The following ADGRG2 variants were observed in gnomAD, a reference collection of about 807,000 sequenced individuals.
ADGRG2 encodes G protein-coupled receptor 64.
Under a neutral mutation model 74.1 loss-of-function variants are expected in ADGRG2, and 26 were observed. The observed-to-expected ratio is 0.35, with a 90% confidence interval of 0.26 to 0.49. The LOEUF is 0.49. Among genes scored for constraint, ADGRG2 ranks in the 20% least tolerant of loss-of-function variants. ADGRG2 has a pLI of 0.99. For synonymous variants in ADGRG2, 296 were observed against 295.2 expected, an observed-to-expected ratio of 1.00 and a Z score of -0.03; for missense variants, 619 against 763.1, an observed-to-expected ratio of 0.81 and a Z score of 2.22.
intron 3 of ADGRG2, among the ~76,000 whole-genome samples, chrX:19,056,375 G>A (rs1183107043): frequency 8.9e-6 from 1 of 111,778 alleles, no homozygotes; most frequent in Non-Finnish European, 1.9e-5. Context: ...ACCCGAGGAG[G>A]AGAAGTCCTT....
Position 19,037,637 on chromosome X carries a change from C to G in ADGRG2, c.155-1G>C. The G allele has an allele frequency of 1.8e-6, 2 of 1,105,821 alleles. No individual in the cohort carries two copies. Among genetic ancestry groups the G allele is most frequent in the Non-Finnish European group, 2.4e-6 (2 of 825,561 alleles). The allele number at this position is 1,105,821 out of a possible 1,213,427, so 91.1% of individuals were successfully genotyped here. On this transcript the variant is annotated splice_acceptor_variant, in intron 4 of 28. Coordinates refer to ENST00000379869, the MANE Select transcript of ADGRG2 (RefSeq NM_001079858.3). LOFTEE classifies it high-confidence loss of function. ...GCAAAACTGACAACAGATAATTTAG[C>G]TGCAGGAGAAAAAAAAATTAAATCA... is the stretch of plus-strand genomic sequence containing the variant.
At chrX:19,052,944 C>T (rs1238952266) in intron 3 of ADGRG2, among the ~76,000 whole-genome samples, 1 of 111,684 alleles carries the variant, frequency 9.0e-6, no homozygotes, top group East Asian at 2.8e-4. Flanking sequence ...ATCCGCTTGC[C>T]TCGGCCTCCC....
At chrX:19,048,884 C>T (rs954745867) in intron 3 of ADGRG2, among the ~76,000 whole-genome samples, 11 of 112,305 alleles carry the variant, frequency 9.8e-5, no homozygotes, top group African/African-American at 3.2e-4. Flanking sequence ...TGCTGCTTAG[C>T]GCTTTGGGAG....
At chrX:19,108,943 T>A (rs2062364306) in intron 1 of ADGRG2, among the ~76,000 whole-genome samples, 1 of 111,172 alleles carries the variant, frequency 9.0e-6, no homozygotes, top group Non-Finnish European at 1.9e-5. Context: ...CTTTTATGGA[T>A]AAGTCAAAGA....
chrX:19,082,427 G>A (rs73193504), intron 2 of ADGRG2, among the ~76,000 whole-genome samples: 1,855 of 111,407 alleles, frequency 0.017, 23 homozygotes, highest in Non-Finnish European at 0.026. Context: ...CTTCAAAATC[G>A]GTACCCATTT....
intron 1 of ADGRG2, among the ~76,000 whole-genome samples, chrX:19,095,933 T>C (rs1602107226): frequency 9.0e-6 from 1 of 111,420 alleles, no homozygotes; most frequent in East Asian, 2.8e-4. Context: ...ATGGGAGGAT[T>C]GCTTGAGTCC....
intron 1 of ADGRG2, among the ~76,000 whole-genome samples, chrX:19,103,071 CA>C (rs1370455106): frequency 9.0e-6 from 1 of 110,643 alleles, no homozygotes; most frequent in African/African-American, 3.3e-5. Flanking sequence ...CATTCTTAGT[CA>C]CAGGATGAGA....
chrX:19,063,535 A>C lies in ADGRG2; in HGVS notation c.118+5182T>G, dbSNP rs147663531. 6.4e-3 allele frequency among the ~76,000 whole-genome samples: 717 copies of C among 112,175 alleles called. 12 individuals are homozygous for C. The highest frequency in any genetic ancestry group is 0.022 in the African/African-American group (689 of 30,863). The stretch of plus-strand genomic sequence containing the variant: ...GAGATGAAAACTACCCACCGGAAAG[A>C]GGTTTTGTAAGGATTAAATGAGATA... On this transcript the variant is annotated intron_variant, in intron 3 of 28. Transcript: ENST00000379869.
intron 4 of ADGRG2, among the ~76,000 whole-genome samples, chrX:19,038,109 A>G (rs1742712082): frequency 3.6e-5 from 4 of 112,249 alleles, no homozygotes; most frequent in South Asian, 7.3e-4. Flanking sequence ...GTACTACCTA[A>G]CCAGATTTCC....
intron 3 of ADGRG2, among the ~76,000 whole-genome samples, chrX:19,049,438 GTTTT>G (rs752686975): frequency 1.2e-5 from 1 of 82,214 alleles, no homozygotes; most frequent in Non-Finnish European, 2.2e-5. Flanking sequence ...CGTTTTTTGT[GTTTT>G]TTTTTTTTTT....
chrX:18,995,317 G>A (rs1320831196), intron 27 of ADGRG2, among the ~76,000 whole-genome samples: 1 of 111,964 alleles, frequency 8.9e-6, no homozygotes, highest in African/African-American at 3.2e-5. Context: ...AATATCCATA[G>A]AATTAGGTAG....
chrX:19,104,887 C>G (rs5955696), intron 1 of ADGRG2, among the ~76,000 whole-genome samples: 22,397 of 89,122 alleles, frequency 0.25, 4,336 homozygotes, highest in African/African-American at 0.63. Context: ...ACTGCACTCT[C>G]GTCTAGGTGA....
At position 19,028,167 on chromosome X, in the gene ADGRG2, A is replaced by T. The variant is rs1250626151; in HGVS notation, c.414+16T>A. The T allele has an allele frequency of 1.0e-6, 1 of 957,392 alleles. No homozygotes were observed. The highest frequency in any genetic ancestry group is 3.1e-5 in the East Asian group (1 of 32,266). 78.9% of individuals were successfully genotyped at this position (957,392 alleles called of 1,213,427 possible). ...TGCCTTTTAAGATTGCAGTAAAAAA[A>T]ATCTTTAAAACTTACCTGGGGAACA... On this transcript the variant is annotated intron_variant, in intron 10 of 28. Coordinates refer to ENST00000379869, the MANE Select transcript of ADGRG2 (RefSeq NM_001079858.3).
intron 1 of ADGRG2, among the ~76,000 whole-genome samples, chrX:19,095,728 G>A (rs377321397): frequency 3.6e-4 from 40 of 111,688 alleles, no homozygotes; most frequent in African/African-American, 1.1e-3. Context: ...AAACAGTGCC[G>A]GGGAGCCAGG....
chrX:19,038,088 C>G, intron 4 of ADGRG2, among the ~76,000 whole-genome samples: 1 of 111,981 alleles, frequency 8.9e-6, no homozygotes, highest in Non-Finnish European at 1.9e-5. Flanking sequence ...AAATTGCTAC[C>G]ACTCAATACT....
intron 12 of ADGRG2, 63 bp downstream of exon 12, chrX:19,023,846 C>A: frequency 2.6e-6 from 2 of 767,874 alleles, no homozygotes; most frequent in Non-Finnish European, 4.0e-6. Flanking sequence ...AATGCAGAAC[C>A]CTATGCTTTC....
intron 3 of ADGRG2, among the ~76,000 whole-genome samples, chrX:19,040,524 G>A (rs1403439459): frequency 1.8e-5 from 2 of 112,076 alleles, no homozygotes; most frequent in Non-Finnish European, 3.8e-5. Flanking sequence ...GGAAGTGAAC[G>A]TAAGCTGAAT....
chrX:19,116,284 G>A (rs2062512723), intron 1 of ADGRG2, among the ~76,000 whole-genome samples: 1 of 109,414 alleles, frequency 9.1e-6, no homozygotes, highest in Non-Finnish European at 1.9e-5. Context: ...GCCGAGGTGG[G>A]TGGATCAACT....
intron 26 of ADGRG2, among the ~76,000 whole-genome samples, chrX:18,998,600 CTT>C (rs768424519): frequency 8.6e-5 from 7 of 81,191 alleles, no homozygotes; most frequent in African/African-American, 9.4e-5. Flanking sequence ...ACAGATAGTA[CTT>C]TTTTTTTTTT....
Sources: gnomAD v4.1 joint callset for allele counts (sites outside exome capture counted in the v4.1 genomes callset) on GRCh38, gnomAD v4.1.1 for gene constraint, MANE v1.5 for transcripts, NCBI Gene and HGNC (gene_info 2026-07-23, HGNC 2026-07-21) for gene names.